Variants in TAFA2 observed in about 807,000 individuals in gnomAD.
The protein encoded by TAFA2 is TAFA chemokine like family member 2, also known as chemokine-like protein TAFA-2.
Under a neutral mutation model 18.8 loss-of-function variants are expected in TAFA2, and 7 were observed. The observed-to-expected ratio is 0.37, with a 90% CI of 0.21 to 0.70. The LOEUF (loss-of-function observed/expected upper bound fraction) is 0.70, where lower values mean the gene tolerates loss of function less well. Among genes scored for constraint, TAFA2 ranks in the 30% least tolerant of loss-of-function variants. The pLI, the probability that TAFA2 is intolerant of heterozygous loss-of-function variation, is 0.53. For missense variants in TAFA2, 122 were observed against 158.1 expected, an observed-to-expected ratio of 0.77 and a Z score of 1.23; for synonymous variants, 60 against 54.2, an observed-to-expected ratio of 1.11 and a Z score of -0.47.
At chr12:61,866,032 C>A (rs969524191) in intron 2 of TAFA2, among the ~76,000 whole-genome samples, 1 of 152,066 alleles carries the variant, frequency 6.6e-6, no homozygotes, top group Non-Finnish European at 1.5e-5. Context: ...GAATGTCCTC[C>A]TCATCATCTT....
intron 2 of TAFA2, among the ~76,000 whole-genome samples, chr12:61,801,611 G>C (rs1434492747): frequency 1.3e-5 from 2 of 152,000 alleles, no homozygotes; most frequent in African/African-American, 4.8e-5. Flanking sequence ...AATCTACTCA[G>C]TGTGGATTAA....
At chr12:61,722,189 T>A (rs1380255242) in intron 4 of TAFA2, among the ~76,000 whole-genome samples, 1 of 152,108 alleles carries the variant, frequency 6.6e-6, no homozygotes, top group Non-Finnish European at 1.5e-5. Flanking sequence ...ACTTTCTACA[T>A]AAATTTGAGA....
intron 1 of TAFA2, among the ~76,000 whole-genome samples, chr12:61,914,090 T>C (rs1419627169): frequency 3.9e-5 from 6 of 152,078 alleles, no homozygotes; most frequent in Admixed American, 2.6e-4. Context: ...TTAAACTAGA[T>C]TTGAGGACAC....
At chr12:62,064,513 A>G (rs965847416) in intron 1 of TAFA2, among the ~76,000 whole-genome samples, 1 of 152,106 alleles carries the variant, frequency 6.6e-6, no homozygotes, top group African/African-American at 2.4e-5. Flanking sequence ...CAATGAAAAG[A>G]GGATAAAAGA....
chr12:62,106,609 T>A (rs374435271), intron 1 of TAFA2, among the ~76,000 whole-genome samples: 1 of 152,106 alleles, frequency 6.6e-6, no homozygotes, highest in East Asian at 1.9e-4. Flanking sequence ...CGTAGAAAAA[T>A]TGCTATAGAT....
At chr12:61,827,233 G>A (rs986012315) in intron 2 of TAFA2, 2 of 152,008 alleles carry the variant, frequency 1.3e-5, no homozygotes, top group Non-Finnish European at 2.9e-5. Flanking sequence ...CAACAAGAGA[G>A]AATTCTTCAC....
chr12:61,773,520 T>C (rs1208440090), intron 2 of TAFA2, among the ~76,000 whole-genome samples: 2 of 151,950 alleles, frequency 1.3e-5, no homozygotes, highest in Non-Finnish European at 2.9e-5. Context: ...CATAGACCAA[T>C]GGAACATAAT....
intron 2 of TAFA2, among the ~76,000 whole-genome samples, chr12:61,808,983 G>A (rs533766595): frequency 4.6e-5 from 7 of 151,600 alleles, no homozygotes; most frequent in Middle Eastern, 3.4e-3. Flanking sequence ...CTCATCTATT[G>A]TCCATAACCA....
chr12:61,810,236 A>G (rs1871808951), intron 2 of TAFA2, among the ~76,000 whole-genome samples: 2 of 151,470 alleles, frequency 1.3e-5, no homozygotes, highest in Admixed American at 6.6e-5. Context: ...TGATATATCA[A>G]ACTTAAACCC....
At chr12:61,958,873 G>A (rs1025426834) in intron 1 of TAFA2, among the ~76,000 whole-genome samples, 4 of 151,908 alleles carry the variant, frequency 2.6e-5, no homozygotes, top group African/African-American at 9.7e-5. Flanking sequence ...CCATATTTTT[G>A]AGACATTTAC....
At chr12:62,211,524 G>A (rs1565780382) in intron 1 of TAFA2, among the ~76,000 whole-genome samples, 1 of 150,780 alleles carries the variant, frequency 6.6e-6, no homozygotes, top group South Asian at 2.1e-4. Context: ...AGGTTGCAGT[G>A]AGCCAAGATT....
chr12:61,941,422 CA>C (rs1203972673), intron 1 of TAFA2, among the ~76,000 whole-genome samples: 2 of 152,082 alleles, frequency 1.3e-5, no homozygotes, highest in Non-Finnish European at 2.9e-5. Context: ...AAGATCTTGC[CA>C]AAATTAAGAA....
intron 2 of TAFA2, among the ~76,000 whole-genome samples, chr12:61,805,596 G>T (rs1331421493): frequency 6.6e-6 from 1 of 152,064 alleles, no homozygotes; most frequent in Non-Finnish European, 1.5e-5. Context: ...CACCATGGCT[G>T]TGTTAAGTAA....
chr12:61,986,336 G>C (rs1879817678), intron 1 of TAFA2, among the ~76,000 whole-genome samples: 1 of 150,016 alleles, frequency 6.7e-6, no homozygotes, highest in African/African-American at 2.5e-5. Flanking sequence ...GCTAATTTTT[G>C]TATTTTTAGT....
intron 1 of TAFA2, among the ~76,000 whole-genome samples, chr12:61,924,550 G>GTCA (rs957779993): frequency 3.9e-5 from 6 of 152,190 alleles, no homozygotes; most frequent in African/African-American, 1.4e-4. Context: ...GAGAGATTTT[G>GTCA]TCACCACCAG....
chr12:62,231,984 T>C (rs1023285551), intron 1 of TAFA2, among the ~76,000 whole-genome samples: 1 of 152,176 alleles, frequency 6.6e-6, no homozygotes, highest in African/African-American at 2.4e-5. Flanking sequence ...ACAGGCCTGA[T>C]CTTAGGGGTA....
At chr12:61,929,923 C>T (rs545385839) in intron 1 of TAFA2, among the ~76,000 whole-genome samples, 1 of 150,664 alleles carries the variant, frequency 6.6e-6, no homozygotes, top group Non-Finnish European at 1.5e-5. Context: ...CCAAACACTG[C>T]ATGTTCTCAC....
upstream of TAFA2, among the ~76,000 whole-genome samples, chr12:62,195,678 T>C (rs908717700): frequency 3.9e-5 from 6 of 152,334 alleles, no homozygotes; most frequent in Non-Finnish European, 7.4e-5. Flanking sequence ...CTCTCAACAG[T>C]AGGCTTAAAA....
At chr12:61,754,750 TATC>T (rs762424005) in intron 3 of TAFA2, 119 bp downstream of exon 3, 28 of 944,696 alleles carry the variant, frequency 3.0e-5, no homozygotes, top group East Asian at 2.4e-4. Context: ...AGTTTCAACT[TATC>T]ATGGTATTTG....
Sources: allele counts gnomAD v4.1 joint callset (sites outside exome capture counted in the v4.1 genomes callset), GRCh38; gene constraint gnomAD v4.1.1; transcripts MANE v1.5; gene names NCBI Gene and HGNC (gene_info 2026-07-23, HGNC 2026-07-21).